Variants in NME9 observed in about 807,000 individuals in gnomAD.
NME9 encodes NME/NM23 family member 9, also known as thioredoxin domain-containing protein 6.
A neutral mutation model predicts 44.4 loss-of-function variants in NME9; 48 were observed. That is an observed-to-expected ratio of 1.08 (90% CI 0.86 to 1.37). NME9 has a LOEUF of 1.37. Ranked by LOEUF, NME9 falls within the 40% of genes most tolerant of loss-of-function variation. The pLI is 0.00. For missense variants in NME9, 325 were observed against 405.2 expected, an observed-to-expected ratio of 0.80 and a Z score of 1.70; for synonymous variants, 139 against 147.1, an observed-to-expected ratio of 0.94 and a Z score of 0.40.
At chr3:138,270,678 A>T (rs1188009806) in intron 8 of NME9, among the ~76,000 whole-genome samples, 2 of 152,190 alleles carry the variant, frequency 1.3e-5, no homozygotes, top group Non-Finnish European at 2.9e-5. Context: ...ATTACCTCAC[A>T]TATTTAACCA....
intron 6 of NME9, 147 bp downstream of exon 6, chr3:138,314,185 A>G (rs867525075): frequency 1.6e-4 from 83 of 513,660 alleles, no homozygotes; most frequent in African/African-American, 1.3e-3. Context: ...TCTATTATAT[A>G]TCAATTTTTA....
intron 1 of NME9, among the ~76,000 whole-genome samples, chr3:138,326,278 C>T (rs1283962820): frequency 6.6e-6 from 1 of 152,166 alleles, no homozygotes. Flanking sequence ...TTTCCATCTG[C>T]CTGTTACTGA....
At chr3:138,274,586 A>G (rs983980550) in intron 8 of NME9, 2 of 1,458,040 alleles carry the variant, frequency 1.4e-6, no homozygotes. Context: ...TCTGAATGTG[A>G]GCACAAAGGA....
At chr3:138,273,921 ATTC>A (rs2049020375) in intron 8 of NME9, among the ~76,000 whole-genome samples, 1 of 150,376 alleles carries the variant, frequency 6.6e-6, no homozygotes, top group Non-Finnish European at 1.5e-5. Flanking sequence ...GGTTCAAGTG[ATTC>A]TTCTTTCTCA....
rs1451320355 is a variant in NME9 at position 138,318,130 on chromosome 3, T to C, written c.267+18A>G. On this transcript the variant is annotated intron_variant, in intron 4 of 10. Coordinates refer to ENST00000333911, the MANE Select transcript of NME9 (RefSeq NM_001349018.2). ...ATTTGCAATCGTCAAATAGTTCTGA[T>C]TCTGAAAATGTACTTACTGCATAAA... The C allele has an allele frequency of 4.0e-6, 6 of 1,494,410 alleles. No individual in the cohort carries two copies. Among genetic ancestry groups the C allele is most frequent in the Admixed American group, 3.3e-5 (2 of 59,910 alleles). The allele number at this position is 1,494,410 out of a possible 1,614,324, so 92.6% of individuals were successfully genotyped here.
At chr3:138,280,497 C>CTTTTT (rs1039909334) in intron 8 of NME9, among the ~76,000 whole-genome samples, 2 of 107,104 alleles carry the variant, frequency 1.9e-5, no homozygotes, top group Non-Finnish European at 4.0e-5. Flanking sequence ...TCTTTTTTTT[C>CTTTTT]TTTTTTTTTT....
intron 9 of NME9, among the ~76,000 whole-genome samples, chr3:138,304,074 C>G (rs1021696047): frequency 3.3e-5 from 5 of 152,190 alleles, no homozygotes; most frequent in African/African-American, 1.2e-4. Context: ...TCCTGTGTGT[C>G]AAGCACTACT....
At chr3:138,318,358 T>TC (rs1341713561) in intron 3 of NME9, 139 bp from the exon 4 acceptor site, 2 of 673,130 alleles carry the variant, frequency 3.0e-6, no homozygotes, top group African/African-American at 3.6e-5. Flanking sequence ...CTCATGCTGT[T>TC]CCTGCTAATC....
rs189730220 is a variant in NME9, at chr3:138,315,792, G to A, written c.268-149C>T. ...TGCTCACTTCTGCTGCCCTCCCTTG[G>A]CAGGACACCCTCAGGTCTGCTCCTA... is the stretch of plus-strand genomic sequence containing the variant. On this transcript the variant is annotated intron_variant, in intron 4 of 10. Coordinates refer to ENST00000333911, the MANE Select transcript of NME9 (RefSeq NM_001349018.2). 4.8e-6 allele frequency: 3 copies of A among 626,598 alleles called. No individual in the cohort carries two copies. The East Asian group carries it at 8.2e-5, about 17-fold the overall frequency. The allele number at this position is 626,598 out of a possible 1,614,324, so 38.8% of individuals were successfully genotyped here.
chr3:138,318,903 C>T (rs1170697768), intron 3 of NME9, among the ~76,000 whole-genome samples: 1 of 152,060 alleles, frequency 6.6e-6, no homozygotes, highest in Non-Finnish European at 1.5e-5. Flanking sequence ...GTTCATGAGC[C>T]AAGAAGGAGA....
At position 138,327,644 on chromosome 3, in the gene NME9, TGAGA is replaced by T. The variant is rs368242244; in HGVS notation, c.33+1655_33+1658del. Among the ~76,000 whole-genome samples, 345 of 152,264 alleles carry T rather than the reference TGAGA, an allele frequency of 2.3e-3. 2 individuals are homozygous for T. Among genetic ancestry groups the T allele is most frequent in the African/African-American group, 7.9e-3 (328 of 41,552 alleles). ...TAAAGGGAACCCTGAATAACCTTGC[TGAGA>T]GAGAGGACAAGGTTCCTGGGTTGGC... On this transcript the variant is annotated intron_variant, in intron 1 of 10. Coordinates refer to ENST00000333911, the MANE Select transcript of NME9 (RefSeq NM_001349018.2).
At chr3:138,316,237 G>A (rs766210404) in intron 4 of NME9, among the ~76,000 whole-genome samples, 6 of 152,166 alleles carry the variant, frequency 3.9e-5, no homozygotes, top group Non-Finnish European at 8.8e-5. Flanking sequence ...TTCATTAAGG[G>A]AGGAACAATA....
In NME9 at chr3:138,329,213, T is replaced by C. The variant is rs568496756; in HGVS notation, c.33+90A>G. On this transcript the variant is annotated intron_variant, in intron 1 of 10. Coordinates refer to ENST00000333911, the MANE Select transcript of NME9 (RefSeq NM_001349018.2). ...TGTCACGTACTGCTGGCAAACAGAA[T>C]GTCACTTTTATACTGCAACCCCGCT... The C allele has an allele frequency of 1.6e-5, 18 of 1,139,272 alleles. No homozygotes were observed. In the South Asian group the frequency reaches 2.3e-4, roughly 15 times the overall value. The allele number at this position is 1,139,272 out of a possible 1,614,324, so 70.6% of individuals were successfully genotyped here.
chr3:138,264,670 G>C (rs1355991733), intron 8 of NME9, among the ~76,000 whole-genome samples: 2 of 151,532 alleles, frequency 1.3e-5, no homozygotes, highest in Admixed American at 1.3e-4. Context: ...TGCCCGCCTC[G>C]GCCCTCCAAA....
At chr3:138,322,817 A>G (rs886149174) in intron 2 of NME9, among the ~76,000 whole-genome samples, 1 of 152,190 alleles carries the variant, frequency 6.6e-6, no homozygotes, top group African/African-American at 2.4e-5. Context: ...GATGTTAGCT[A>G]CTATCACATA....
At chr3:138,283,074 C>T (rs947124036) in intron 8 of NME9, among the ~76,000 whole-genome samples, 1 of 152,164 alleles carries the variant, frequency 6.6e-6, no homozygotes, top group African/African-American at 2.4e-5. Flanking sequence ...TAAATAGTTC[C>T]CCAGTGTTTG....
At chr3:138,303,081 G>C (rs1383203071) in intron 10 of NME9, among the ~76,000 whole-genome samples, 1 of 152,244 alleles carries the variant, frequency 6.6e-6, no homozygotes, top group Non-Finnish European at 1.5e-5. Context: ...GCAGGCTCCA[G>C]GTTGAGGGCC....
intron 8 of NME9, chr3:138,295,796 A>G (rs1369144043): frequency 5.7e-6 from 9 of 1,573,214 alleles, no homozygotes; most frequent in South Asian, 1.1e-5. Flanking sequence ...TCATTGAACC[A>G]TAGGGTTTTT....
chr3:138,276,859 G>A lies in NME9; in HGVS notation c.746-14273C>T, dbSNP rs1015158739. ...ACAGTCCCAAGCACAATCACAGCAT[G>A]TTTGTTTATAAATATTACTATAGAT... On this transcript the variant is annotated intron_variant, in intron 8 of 8. Coordinates refer to the NME9 transcript ENST00000317876. 2.4e-4 allele frequency among the ~76,000 whole-genome samples: 36 copies of A among 152,140 alleles called. 2 individuals carry two copies. The highest frequency in any genetic ancestry group is 2.4e-3 in the Admixed American group (36 of 15,278).
Sources: allele counts gnomAD v4.1 joint callset (sites outside exome capture counted in the v4.1 genomes callset), GRCh38; gene constraint gnomAD v4.1.1; transcripts MANE v1.5; gene names NCBI Gene and HGNC (gene_info 2026-07-23, HGNC 2026-07-21).